FREM2: variants seen among roughly 807,000 people sequenced by gnomAD.
The protein encoded by FREM2 is FRAS1 related extracellular matrix 2, also known as FRAS1-related extracellular matrix protein 2.
Under a neutral mutation model 219.9 loss-of-function variants are expected in FREM2, and 119 were observed. That is an observed-to-expected ratio of 0.54 (90% CI 0.47 to 0.63). The LOEUF is 0.63. Ranked by LOEUF, FREM2 falls within the 30% of genes least tolerant of loss-of-function variation. The probability of loss-of-function intolerance (pLI) is 0.00; values close to 1 mark genes in which losing one functional copy is unlikely to be tolerated. For missense variants in FREM2, 4,030 were observed against 3,993.6 expected (o/e 1.01, Z -0.25); for synonymous variants, 1,562 against 1,522.8 (o/e 1.03, Z -0.60).
intron 2 of FREM2, among the ~76,000 whole-genome samples, chr13:38,716,939 A>G (rs1218263434): frequency 6.6e-6 from 1 of 152,216 alleles, no homozygotes; most frequent in Non-Finnish European, 1.5e-5. Context: ...CTGTGCATCC[A>G]GGTATGGAAA....
intron 2 of FREM2, among the ~76,000 whole-genome samples, chr13:38,754,897 TGATG>T (rs1872929003): frequency 5.8e-5 from 8 of 138,820 alleles, no homozygotes; most frequent in South Asian, 2.3e-4. Flanking sequence ...ATGATGATGA[TGATG>T]ATTATTATTA....
chr13:38,749,092 TG>T (rs1463576357), intron 2 of FREM2, among the ~76,000 whole-genome samples: 4 of 152,192 alleles, frequency 2.6e-5, no homozygotes, highest in Admixed American at 6.5e-5. Context: ...GGCTCTAACA[TG>T]GGTTGGTGAA....
rs750889221 is a variant in FREM2 at position 38,769,748 on chromosome 13, G to A, written c.5581G>A (p.Val1861Met). Residue 1861 changes from valine to methionine, a missense_variant, in exon 4 of 24, where the codon GTG becomes ATG. This residue lies in a region of FREM2 where 3,102 missense variants were observed against 2,950.7 expected (regional missense o/e 1.05). Coordinates refer to ENST00000280481, the MANE Select transcript of FREM2 (RefSeq NM_207361.6). ...CTTTCAGGTGGTACTCTCAGAGCCC[G>A]TGCTGGCTGCCTTGGAATTCCCCAC... ...ETFQVVLSEP[V>M]LAALEFPTVA... is the part of the protein sequence containing the mutation. The A allele has an allele frequency of 2.5e-5, 41 of 1,614,006 alleles. No individual in the cohort carries two copies. Among genetic ancestry groups the A allele is most frequent in the Middle Eastern group, 1.6e-4 (1 of 6,082 alleles).
rs187833156 is a variant in FREM2, at chr13:38,877,345, T to A, written c.8671+102T>A. ...TGAGGGGGCAAATTATAGCTTTTTT[T>A]ATGGTTTTGAGAATGTAACTGGGTC... On this transcript the variant is annotated intron_variant, in intron 21 of 23. Coordinates refer to ENST00000280481, the MANE Select transcript of FREM2 (RefSeq NM_207361.6). 3.8e-5 allele frequency: 50 copies of A among 1,323,360 alleles called. No homozygotes were observed. The Admixed American group carries it at 7.1e-4, about 19-fold the overall frequency. 82.0% of individuals were successfully genotyped at this position (1,323,360 alleles called of 1,614,324 possible).
At chr13:38,770,955 T>A (rs968625848) in intron 4 of FREM2, among the ~76,000 whole-genome samples, 2 of 152,216 alleles carry the variant, frequency 1.3e-5, no homozygotes, top group Non-Finnish European at 2.9e-5. Context: ...TAGGATCCTG[T>A]CAGAAGCCAG....
intron 21 of FREM2, among the ~76,000 whole-genome samples, chr13:38,877,895 G>A (rs933339238): frequency 1.3e-5 from 2 of 152,154 alleles, no homozygotes; most frequent in African/African-American, 4.8e-5. Context: ...ACTAGTGGCT[G>A]AGCATCTGAG....
Position 38,878,217 on chromosome 13 carries a change from C to G in FREM2, c.8755C>G (p.Leu2919Val). ...SFYCSIEKVF[L>V]CTGADGYVPK... ...TTACTGCAGCATTGAGAAGGTGTTT[C>G]TATGCACTGGAGCTGATGGCTATGT... is the stretch of plus-strand genomic sequence containing the variant. The change falls in exon 22 of 24, where the codon CTA becomes GTA. Residue 2919 changes from leucine (L) to valine (V), a missense_variant. Leu to Val is a conservative substitution (Grantham distance 32). Around this residue, in one of 2 missense-constraint regions of FREM2, gnomAD observed 928 missense variants for 1,042.9 expected, o/e 0.89. Coordinates refer to ENST00000280481, the MANE Select transcript of FREM2 (RefSeq NM_207361.6). 1 of 1,613,634 alleles carries G rather than the reference C, an allele frequency of 6.2e-7. No homozygotes were observed.
chr13:38,833,117 TTAAG>T (rs951765600), intron 6 of FREM2, among the ~76,000 whole-genome samples: 4 of 152,216 alleles, frequency 2.6e-5, no homozygotes, highest in South Asian at 2.1e-4. Context: ...ATGTCATAAA[TTAAG>T]TATGTATATA....
chr13:38,687,490 C>A lies in FREM2; in HGVS notation c.146C>A (p.Ala49Asp). The A allele has an allele frequency of 6.3e-7, 1 of 1,593,318 alleles. No homozygotes were observed. The highest frequency in any genetic ancestry group is 1.1e-5 in the South Asian group (1 of 88,128). The change falls in exon 1 of 24, where the codon GCT becomes GAT. Residue 49 changes from alanine (A) to aspartate (D), a missense_variant. By Grantham distance (126) the Ala-to-Asp change is moderately radical. Transcript: ENST00000280481. ...SLVSRVPAQP[A>D]AFGRALLSPG... Reference sequence around the variant, plus strand: ...GTAAGCCGCGTCCCGGCACAGCCCGCTGCCTTCGGCAGGGCGTTGCTGTCC... The same window carrying A: ...GTAAGCCGCGTCCCGGCACAGCCCGATGCCTTCGGCAGGGCGTTGCTGTCC...
intron 2 of FREM2, among the ~76,000 whole-genome samples, chr13:38,760,502 A>C (rs2137805143): frequency 6.6e-6 from 1 of 152,364 alleles, no homozygotes; most frequent in East Asian, 1.9e-4. Flanking sequence ...TTTAGTCATC[A>C]ATAATCCCTG....
intron 6 of FREM2, among the ~76,000 whole-genome samples, chr13:38,821,485 T>A (rs542929288): frequency 1.3e-5 from 2 of 152,218 alleles, no homozygotes; most frequent in Admixed American, 1.3e-4. Context: ...TTGTAACCAT[T>A]TGAAGCACTT....
chr13:38,869,024 A>G (rs564205941), intron 16 of FREM2, among the ~76,000 whole-genome samples: 1 of 152,240 alleles, frequency 6.6e-6, no homozygotes, highest in African/African-American at 2.4e-5. Context: ...CCAAGCGCCT[A>G]GCAGACATTA....
At chr13:38,696,797 A>G (rs1185241804) in intron 1 of FREM2, among the ~76,000 whole-genome samples, 3 of 151,310 alleles carry the variant, frequency 2.0e-5, no homozygotes, top group South Asian at 2.1e-4. Context: ...TCTGCCATGA[A>G]TAAAGGTTTC....
intron 2 of FREM2, among the ~76,000 whole-genome samples, chr13:38,738,052 A>C (rs991622532): frequency 6.6e-6 from 1 of 152,062 alleles, no homozygotes; most frequent in Non-Finnish European, 1.5e-5. Context: ...GATGCTGAGG[A>C]CTTTGTTGCT....
intron 6 of FREM2, among the ~76,000 whole-genome samples, chr13:38,844,633 G>A (rs74649691): frequency 0.011 from 1,646 of 152,258 alleles, 39 homozygotes; most frequent in African/African-American, 0.037. Flanking sequence ...GGAGTTGGGA[G>A]ATAGGAAGAT....
chr13:38,733,924 T>A (rs1871872939), intron 2 of FREM2, among the ~76,000 whole-genome samples: 1 of 152,228 alleles, frequency 6.6e-6, no homozygotes, highest in Admixed American at 6.5e-5. Context: ...GAACTGTCTT[T>A]AATGCCCTAT....
intron 18 of FREM2, 80 bp downstream of exon 18, chr13:38,874,666 T>C: frequency 9.0e-7 from 1 of 1,116,378 alleles, no homozygotes; most frequent in Non-Finnish European, 1.4e-6. Flanking sequence ...TTCAGCGTGC[T>C]TCTCTGTTAC....
chr13:38,724,406 T>A (rs1871424897), intron 2 of FREM2, among the ~76,000 whole-genome samples: 1 of 152,120 alleles, frequency 6.6e-6, no homozygotes, highest in Non-Finnish European at 1.5e-5. Flanking sequence ...TATGACAGAG[T>A]TAGAATTCAC....
At chr13:38,819,577 G>A (rs1566153904) in intron 6 of FREM2, among the ~76,000 whole-genome samples, 1 of 152,060 alleles carries the variant, frequency 6.6e-6, no homozygotes, top group African/African-American at 2.4e-5. Flanking sequence ...TTGTGGTACC[G>A]ATTAGGATCA....
Sources: gnomAD v4.1 joint callset for allele counts (sites outside exome capture counted in the v4.1 genomes callset) on GRCh38, gnomAD v4.1.1 for gene constraint, gnomAD v4.1.1 regional missense constraint, MANE v1.5 for transcripts, NCBI Gene and HGNC (gene_info 2026-07-23, HGNC 2026-07-21) for gene names.